ALK: variants seen among roughly 807,000 people sequenced by gnomAD.
The protein encoded by ALK is ALK receptor tyrosine kinase, also known as ALK tyrosine kinase receptor.
In ALK, 74 loss-of-function variants were observed where a neutral mutation model predicts 163.1. The observed-to-expected ratio is 0.45, with a 90% CI of 0.38 to 0.55. The LOEUF is 0.55. ALK is among the 20% of genes least tolerant of loss of function. ALK has a pLI of 0.00. For missense variants in ALK, 2,063 were observed against 2,105.3 expected (o/e 0.98, Z 0.39); for synonymous variants, 960 against 843.2 (o/e 1.14, Z -2.40).
intron 1 of ALK, among the ~76,000 whole-genome samples, chr2:29,874,757 T>G (rs1051942649): frequency 7.2e-5 from 11 of 152,180 alleles, no homozygotes; most frequent in Admixed American, 7.2e-4. Context: ...AATTCCCATA[T>G]CAGAGGGGCC....
chr2:29,401,763 T>A (rs750176763), intron 4 of ALK, among the ~76,000 whole-genome samples: 1 of 152,146 alleles, frequency 6.6e-6, no homozygotes, highest in Non-Finnish European at 1.5e-5. Context: ...GGCCGTCTCA[T>A]GGGCCACAGT....
At chr2:29,796,866 A>C (rs1664324873) in intron 1 of ALK, among the ~76,000 whole-genome samples, 1 of 152,126 alleles carries the variant, frequency 6.6e-6, no homozygotes, top group Non-Finnish European at 1.5e-5. Flanking sequence ...AAGCACAAAT[A>C]AAATTCTATT....
At position 29,531,936 on chromosome 2, in the gene ALK, A is replaced by T. The variant is rs1178669386; in HGVS notation, c.1133T>A (p.Met378Lys). ...HNEAAREILL[M>K]PTPGKHGWTV... The stretch of plus-strand genomic sequence containing the variant: ...TTACCCATGCTTCCCTGGAGTGGGC[A>T]TCAGGAGGATCTCTCTTGCAGCCTC... The change falls in exon 4 of 29, where the codon ATG becomes AAG. Residue 378 changes from methionine (M) to lysine (K), a missense_variant. Physicochemically the swap from Met to Lys is moderately conservative, Grantham distance 95 (BLOSUM62 -1). Transcript: ENST00000389048. The T allele has an allele frequency of 1.9e-6, 3 of 1,614,194 alleles. No homozygotes were observed. The highest frequency in any genetic ancestry group is 1.1e-5 in the South Asian group (1 of 91,086).
chr2:29,690,079 C>A (rs959969015), intron 3 of ALK, among the ~76,000 whole-genome samples: 4 of 152,124 alleles, frequency 2.6e-5, no homozygotes, highest in Non-Finnish European at 5.9e-5. Context: ...GTTAAAACAG[C>A]CACAGGAAAC....
chr2:29,413,530 GTTTA>G (rs988067124), intron 4 of ALK, among the ~76,000 whole-genome samples: 6 of 150,478 alleles, frequency 4.0e-5, no homozygotes, highest in African/African-American at 1.5e-4. Flanking sequence ...CTTATTTATT[GTTTA>G]TTTATTTATT....
chr2:29,871,542 G>A (rs1666576170), intron 1 of ALK, among the ~76,000 whole-genome samples: 1 of 152,164 alleles, frequency 6.6e-6, no homozygotes, highest in Non-Finnish European at 1.5e-5. Flanking sequence ...AGCATGCCCA[G>A]CATCTAAGAG....
intron 4 of ALK, among the ~76,000 whole-genome samples, chr2:29,396,504 T>C (rs1156282640): frequency 5.3e-5 from 8 of 152,064 alleles, no homozygotes; most frequent in Non-Finnish European, 1.0e-4. Context: ...TGAAACCCTG[T>C]CTCTACTAAA....
intron 4 of ALK, among the ~76,000 whole-genome samples, chr2:29,478,500 C>G (rs1328291163): frequency 6.6e-6 from 1 of 152,230 alleles, no homozygotes; most frequent in Non-Finnish European, 1.5e-5. Context: ...GGCCTTCTTT[C>G]CACGACTCCT....
At chr2:29,768,310 T>G (rs1343177147) in intron 1 of ALK, among the ~76,000 whole-genome samples, 1 of 152,174 alleles carries the variant, frequency 6.6e-6, no homozygotes, top group Non-Finnish European at 1.5e-5. Context: ...AAATGGTAAT[T>G]AAACAACTTC....
intron 1 of ALK, among the ~76,000 whole-genome samples, chr2:29,880,724 C>A (rs927338588): frequency 6.6e-6 from 1 of 152,136 alleles, no homozygotes; most frequent in African/African-American, 2.4e-5. Context: ...CTTCTAGTAC[C>A]CATGCCATAA....
At chr2:29,682,349 T>C (rs1678096154) in intron 3 of ALK, among the ~76,000 whole-genome samples, 1 of 152,214 alleles carries the variant, frequency 6.6e-6, no homozygotes, top group South Asian at 2.1e-4. Flanking sequence ...ATCCTCATTT[T>C]GAAAGCATTA....
chr2:29,266,098 C>T (rs1206946017), intron 11 of ALK, among the ~76,000 whole-genome samples: 1 of 152,206 alleles, frequency 6.6e-6, no homozygotes, highest in Non-Finnish European at 1.5e-5. Flanking sequence ...TTTGACGCAT[C>T]CATTGTTTTC....
At chr2:29,665,350 T>C (rs182273768) in intron 3 of ALK, among the ~76,000 whole-genome samples, 1 of 152,064 alleles carries the variant, frequency 6.6e-6, no homozygotes, top group African/African-American at 2.4e-5. Context: ...CTTTTCCCTA[T>C]CTGATGTTAC....
chr2:29,732,389 C>A (rs866012122), intron 1 of ALK, among the ~76,000 whole-genome samples: 1 of 152,190 alleles, frequency 6.6e-6, no homozygotes, highest in Non-Finnish European at 1.5e-5. Context: ...GCAGGGGGAG[C>A]CAAGAACTAT....
intron 12 of ALK, among the ~76,000 whole-genome samples, chr2:29,247,331 T>C (rs1165652799): frequency 1.3e-5 from 2 of 152,216 alleles, no homozygotes; most frequent in African/African-American, 4.8e-5. Context: ...AGGCACAGCA[T>C]CCTAATTGGT....
At chr2:29,336,603 C>A (rs146319139) in intron 5 of ALK, among the ~76,000 whole-genome samples, 2,061 of 152,324 alleles carry the variant, frequency 0.014, 22 homozygotes, top group Non-Finnish European at 0.02. Flanking sequence ...TGGGTTCACT[C>A]ACTGAGAATG....
At chr2:29,548,450 G>C (rs551315375) in intron 3 of ALK, among the ~76,000 whole-genome samples, 73 of 151,698 alleles carry the variant, frequency 4.8e-4, no homozygotes, top group African/African-American at 1.6e-3. Flanking sequence ...TCCAGCATGG[G>C]CGACAGAGCA....
At chr2:29,306,216 T>C (rs1666505896) in intron 8 of ALK, among the ~76,000 whole-genome samples, 1 of 152,120 alleles carries the variant, frequency 6.6e-6, no homozygotes, top group Non-Finnish European at 1.5e-5. Context: ...ACTGACAACA[T>C]CCCTTTGTGT....
At chr2:29,296,129 T>C (rs1170519144) in intron 9 of ALK, among the ~76,000 whole-genome samples, 1 of 152,228 alleles carries the variant, frequency 6.6e-6, no homozygotes, top group Non-Finnish European at 1.5e-5. Flanking sequence ...GTGGAGTTAA[T>C]GATTTTCTAG....
Sources: allele counts gnomAD v4.1 joint callset (sites outside exome capture counted in the v4.1 genomes callset), GRCh38; gene constraint gnomAD v4.1.1; transcripts MANE v1.5; gene names NCBI Gene and HGNC (gene_info 2026-07-23, HGNC 2026-07-21).